The following SH3GL2 variants were observed in gnomAD, a reference collection of about 807,000 sequenced individuals.
The protein encoded by SH3GL2 is SH3 domain containing GRB2 like 2, endophilin A1.
A neutral mutation model predicts 46.0 loss-of-function variants in SH3GL2; 24 were observed. That is an observed-to-expected ratio of 0.52 (90% CI 0.38 to 0.73). The LOEUF (loss-of-function observed/expected upper bound fraction) is 0.73, where lower values mean the gene tolerates loss of function less well. SH3GL2 is among the 30% of genes least tolerant of loss of function. SH3GL2 has a pLI of 0.00. For missense variants in SH3GL2, 413 were observed against 424.2 expected (o/e 0.97, Z 0.23); for synonymous variants, 196 against 147.1 (o/e 1.33, Z -2.40).
At chr9:17,635,674 G>T (rs1419134642) in intron 1 of SH3GL2, among the ~76,000 whole-genome samples, 1 of 152,182 alleles carries the variant, frequency 6.6e-6, no homozygotes, top group Non-Finnish European at 1.5e-5. Context: ...GTGAGATTGG[G>T]TGCTCTGAGT....
At chr9:17,653,402 T>A (rs1467009811) in intron 1 of SH3GL2, among the ~76,000 whole-genome samples, 2 of 152,192 alleles carry the variant, frequency 1.3e-5, no homozygotes, top group Non-Finnish European at 2.9e-5. Context: ...TCCAGATTTT[T>A]TATCTTATAT....
At chr9:17,772,245 G>A (rs1823505638) in intron 3 of SH3GL2, among the ~76,000 whole-genome samples, 1 of 152,028 alleles carries the variant, frequency 6.6e-6, no homozygotes, top group African/African-American at 2.4e-5. Flanking sequence ...TGTGATTTGA[G>A]GATTTATACT....
chr9:17,786,582 T>G (rs2131185991), intron 4 of SH3GL2, 58 bp downstream of exon 4: 1 of 1,559,534 alleles, frequency 6.4e-7, no homozygotes, highest in Non-Finnish European at 8.8e-7. Flanking sequence ...ATTTTGGTGC[T>G]GGTAAGAAAT....
At chr9:17,788,698 C>T (rs1374225728) in intron 5 of SH3GL2, among the ~76,000 whole-genome samples, 1 of 152,082 alleles carries the variant, frequency 6.6e-6, no homozygotes, top group Non-Finnish European at 1.5e-5. Context: ...TAGATATAAT[C>T]CCTTGGTAGG....
intron 3 of SH3GL2, among the ~76,000 whole-genome samples, chr9:17,778,762 T>A (rs60376810): frequency 6.6e-5 from 10 of 152,088 alleles, no homozygotes; most frequent in African/African-American, 2.4e-4. Flanking sequence ...CCTAGATGTG[T>A]TTTGAATGTA....
chr9:17,742,701 GT>G (rs1377351589), intron 1 of SH3GL2, among the ~76,000 whole-genome samples: 7 of 152,262 alleles, frequency 4.6e-5, no homozygotes, highest in African/African-American at 1.4e-4. Flanking sequence ...GAGATTTTTA[GT>G]TTGTTTGGAA....
intron 1 of SH3GL2, among the ~76,000 whole-genome samples, chr9:17,607,671 G>C (rs1395728187): frequency 1.3e-5 from 2 of 152,122 alleles, no homozygotes; most frequent in Non-Finnish European, 2.9e-5. Flanking sequence ...TTCACATTCT[G>C]TATATATTTA....
chr9:17,630,040 C>T (rs1819384034), intron 1 of SH3GL2, among the ~76,000 whole-genome samples: 1 of 152,118 alleles, frequency 6.6e-6, no homozygotes, highest in Admixed American at 6.5e-5. Flanking sequence ...CATAAAAAGC[C>T]TCATGTTTTG....
At position 17,735,410 on chromosome 9, in the gene SH3GL2, G is replaced by A. The variant is rs528180977; in HGVS notation, c.46-11656G>A. 3.9e-5 allele frequency among the ~76,000 whole-genome samples: 6 copies of A among 152,232 alleles called. No homozygotes were observed. In the East Asian group the frequency reaches 9.7e-4, roughly 25 times the overall value. On this transcript the variant is annotated intron_variant, in intron 1 of 8. Transcript: ENST00000380607. ...TATAAAATGCTCCCTATATATTTGT[G>A]TTTGTGCATGTGTGAGATTTGTATT...
intron 1 of SH3GL2, among the ~76,000 whole-genome samples, chr9:17,712,054 T>G (rs1439563484): frequency 1.3e-5 from 2 of 151,864 alleles, no homozygotes; most frequent in African/African-American, 4.8e-5. Context: ...TGGCATTTCC[T>G]TAATGACCAA....
chr9:17,586,930 G>T (rs1818387808), intron 1 of SH3GL2, among the ~76,000 whole-genome samples: 2 of 152,246 alleles, frequency 1.3e-5, no homozygotes, highest in African/African-American at 4.8e-5. Flanking sequence ...AAATCGGCTG[G>T]GTGCGGTGGC....
intron 1 of SH3GL2, among the ~76,000 whole-genome samples, chr9:17,681,537 T>A (rs1053699912): frequency 6.6e-6 from 1 of 152,126 alleles, no homozygotes; most frequent in Non-Finnish European, 1.5e-5. Context: ...CCTTACACCT[T>A]ATACAAAAGT....
At chr9:17,587,489 C>A (rs1818401125) in intron 1 of SH3GL2, among the ~76,000 whole-genome samples, 1 of 152,174 alleles carries the variant, frequency 6.6e-6, no homozygotes, top group Admixed American at 6.5e-5. Flanking sequence ...ACTTTTCAGT[C>A]AACTTCCTGT....
chr9:17,761,158 C>T lies in SH3GL2; in HGVS notation c.115-279C>T, dbSNP rs567547331. Among the ~76,000 whole-genome samples, 12 of 152,200 alleles carry T rather than the reference C, an allele frequency of 7.9e-5. No individual in the cohort carries two copies. In the East Asian group the frequency reaches 2.3e-3, roughly 29 times the overall value. ...GGGACAAAATATGTTTCATTTTATT[C>T]ACCTTATTTTCACCAGAAGGTAATG... On this transcript the variant is annotated intron_variant, in intron 2 of 8. Transcript: ENST00000380607.
At chr9:17,663,235 T>A (rs919344631) in intron 1 of SH3GL2, among the ~76,000 whole-genome samples, 2 of 152,222 alleles carry the variant, frequency 1.3e-5, no homozygotes, top group Non-Finnish European at 2.9e-5. Flanking sequence ...CAGCTGAGAA[T>A]TGATCTTTTA....
chr9:17,612,556 G>A (rs2134583673), intron 1 of SH3GL2, among the ~76,000 whole-genome samples: 1 of 152,294 alleles, frequency 6.6e-6, no homozygotes, highest in South Asian at 2.1e-4. Flanking sequence ...AAGGTGAGGA[G>A]AGGAAGGGGT....
intron 1 of SH3GL2, among the ~76,000 whole-genome samples, chr9:17,660,910 C>T (rs770478125): frequency 6.6e-6 from 1 of 152,100 alleles, no homozygotes; most frequent in Non-Finnish European, 1.5e-5. Flanking sequence ...GCCTGTAATC[C>T]CAGCACTTTG....
chr9:17,783,582 A>G (rs551468585), intron 3 of SH3GL2, among the ~76,000 whole-genome samples: 10 of 152,204 alleles, frequency 6.6e-5, no homozygotes. Context: ...TTGGGAGTTA[A>G]GACTGAGCCT....
In SH3GL2 at chr9:17,795,880, G is replaced by A; in HGVS notation, c.*137G>A. ...CATCCAGCCCCACCAAGTGACTTTG[G>A]TTGACTTGTGGGCTCCCACAGGAGT... On this transcript the variant is annotated 3_prime_UTR_variant, in exon 9 of 9. Coordinates refer to ENST00000380607, the MANE Select transcript of SH3GL2 (RefSeq NM_003026.5). 1 of 683,982 alleles carries A rather than the reference G, an allele frequency of 1.5e-6. No homozygotes were observed. Among genetic ancestry groups the A allele is most frequent in the Non-Finnish European group, 2.5e-6 (1 of 401,880 alleles). The allele number at this position is 683,982 out of a possible 1,614,324, so 42.4% of individuals were successfully genotyped here.
Sources: allele counts gnomAD v4.1 joint callset (sites outside exome capture counted in the v4.1 genomes callset), GRCh38; gene constraint gnomAD v4.1.1; transcripts MANE v1.5; gene names NCBI Gene and HGNC (gene_info 2026-07-23, HGNC 2026-07-21).